Variants in PLCL2 observed in about 807,000 individuals in gnomAD.
PLCL2 encodes phospholipase C like 2.
PLCL2 carries 4 observed loss-of-function variants against 79.6 expected under a neutral mutation model. The ratio of observed to expected loss-of-function variants is 0.05; its 90% CI spans 0.02 to 0.11. PLCL2 has a LOEUF of 0.11. Ranked by LOEUF, PLCL2 falls within the 10% of genes least tolerant of loss-of-function variation. The pLI is 1.00. For synonymous variants in PLCL2, 484 were observed against 457.7 expected, an observed-to-expected ratio of 1.06 and a Z score of -0.73; for missense variants, 895 against 1,291.0, an observed-to-expected ratio of 0.69 and a Z score of 4.70.
chr3:16,967,999 G>C (rs1395762896), intron 1 of PLCL2, among the ~76,000 whole-genome samples: 1 of 152,100 alleles, frequency 6.6e-6, no homozygotes, highest in Non-Finnish European at 1.5e-5. Context: ...AGTTATCCCA[G>C]AACCACTTAT....
intron 1 of PLCL2, among the ~76,000 whole-genome samples, chr3:16,926,171 C>A (rs1474919751): frequency 6.6e-6 from 1 of 152,198 alleles, no homozygotes; most frequent in African/African-American, 2.4e-5. Flanking sequence ...AGAATTAAGT[C>A]TTTTGCTGAT....
At chr3:17,067,831 C>A in intron 4 of PLCL2, 125 bp from the exon 5 acceptor site, 1 of 557,092 alleles carries the variant, frequency 1.8e-6, no homozygotes, top group Non-Finnish European at 3.2e-6. Flanking sequence ...CTTAAATGGA[C>A]ACATTTATGA....
At chr3:16,923,244 C>T (rs1288904583) in intron 1 of PLCL2, among the ~76,000 whole-genome samples, 2 of 152,142 alleles carry the variant, frequency 1.3e-5, no homozygotes, top group Non-Finnish European at 2.9e-5. Context: ...CTGTTCACCA[C>T]CCTGGTGATT....
Position 17,011,721 on chromosome 3 carries a change from C to T in PLCL2, c.2375C>T (p.Ala792Val). 6.2e-7 allele frequency: 1 copy of T among 1,614,010 alleles called. No homozygotes were observed. The highest frequency in any genetic ancestry group is 8.5e-7 in the Non-Finnish European group (1 of 1,179,898). ...TATGTTGAAATCCATGGAATCCCTGCTGATTGTGCAGAACAAAGGACAAAA... is the reference window on the plus strand; with the variant it reads ...TATGTTGAAATCCATGGAATCCCTGTTGATTGTGCAGAACAAAGGACAAAA... ...YVYVEIHGIPADCAEQRTKTV... is the reference protein window; with the variant it reads ...YVYVEIHGIPVDCAEQRTKTV... The change falls in exon 2 of 6, where the codon GCT (alanine) becomes GTT (valine). Residue 792 changes from alanine to valine, a missense_variant. Physicochemically the swap from Ala to Val is moderately conservative, Grantham distance 64. This residue lies in a region of PLCL2 where 298 missense variants were observed against 459.6 expected (regional missense o/e 0.65). Coordinates refer to ENST00000615277, the MANE Select transcript of PLCL2 (RefSeq NM_001144382.2). The surrounding 1 kb of genome is among the most constrained non-coding windows in gnomAD (Gnocchi z 7.9).
At position 17,031,643 on chromosome 3, in the gene PLCL2, A is replaced by G. The variant is rs118020548; in HGVS notation, c.3019-11231A>G. Among the ~76,000 whole-genome samples, 338 of 152,330 alleles carry G rather than the reference A, an allele frequency of 2.2e-3. 9 individuals carry two copies. In the East Asian group the frequency reaches 0.056, roughly 25 times the overall value. ...AAAGTAGATTGTTTAATGTGAGACT[A>G]TTGTATAAGGTTTCCCACAGTAATC... On this transcript the variant is annotated intron_variant, in intron 3 of 5. Coordinates refer to ENST00000615277, the MANE Select transcript of PLCL2 (RefSeq NM_001144382.2).
Position 16,885,337 on chromosome 3 carries a change from G to T in PLCL2, c.298G>T (p.Gly100Cys). The T allele has an allele frequency of 1.5e-6, 1 of 655,254 alleles. No homozygotes were observed. Among genetic ancestry groups the T allele is most frequent in the Non-Finnish European group, 2.8e-6 (1 of 362,802 alleles). 40.6% of individuals were successfully genotyped at this position (655,254 alleles called of 1,614,324 possible). ...CCTCCCCCGGGAGAGCAAGCCGGGC[G>T]GCCTGCCCCGCCGGAGCAGCATCAT... is the stretch of plus-strand genomic sequence containing the variant. Reference protein sequence around the residue: ...CTLPRESKPGGLPRRSSIIKD... With the variant: ...CTLPRESKPGCLPRRSSIIKD... The change falls in exon 1 of 6, where the codon GGC becomes TGC. Residue 100 changes from glycine to cysteine, a missense_variant. This residue lies in a region of PLCL2 where 110 missense variants were observed against 42.9 expected (regional missense o/e 2.56). Transcript: ENST00000615277.
intron 4 of PLCL2, among the ~76,000 whole-genome samples, chr3:17,055,226 C>T (rs1041636371): frequency 6.6e-5 from 10 of 152,148 alleles, no homozygotes; most frequent in African/African-American, 2.4e-4. Context: ...CATCTTTTCT[C>T]TTAAAGACTG....
intron 1 of PLCL2, among the ~76,000 whole-genome samples, chr3:16,924,600 C>G (rs912794943): frequency 2.0e-5 from 3 of 152,208 alleles, no homozygotes; most frequent in Non-Finnish European, 4.4e-5. Flanking sequence ...CTTTCCTGAG[C>G]ATGCACTCGG....
intron 1 of PLCL2, among the ~76,000 whole-genome samples, chr3:16,952,108 T>G (rs1041325140): frequency 6.6e-6 from 1 of 151,674 alleles, no homozygotes; most frequent in African/African-American, 2.4e-5. Flanking sequence ...ATGTTCTCAC[T>G]CATAAGTGGG....
At chr3:16,898,279 T>C (rs1327354408) in intron 1 of PLCL2, among the ~76,000 whole-genome samples, 1 of 152,162 alleles carries the variant, frequency 6.6e-6, no homozygotes, top group Non-Finnish European at 1.5e-5. Flanking sequence ...ACTTTAATAT[T>C]CTTTGGGGAG....
In PLCL2 at chr3:17,026,606, A is replaced by T. The variant is rs188683664; in HGVS notation, c.3018+11695A>T. On this transcript the variant is annotated intron_variant, in intron 3 of 5. Coordinates refer to ENST00000615277, the MANE Select transcript of PLCL2 (RefSeq NM_001144382.2). ...CTTTTAAATCACTTATCTGGGACAGATTACTCATGCTGTAATCCCAGCACT... is the reference window on the plus strand; with the variant it reads ...CTTTTAAATCACTTATCTGGGACAGTTTACTCATGCTGTAATCCCAGCACT... Among the ~76,000 whole-genome samples the T allele has an allele frequency of 3.3e-5, 5 of 152,226 alleles. No individual in the cohort carries two copies. In the East Asian group the frequency reaches 9.7e-4, roughly 29 times the overall value.
intron 1 of PLCL2, among the ~76,000 whole-genome samples, chr3:16,991,768 C>G (rs115788687): frequency 0.01 from 1,529 of 152,154 alleles, 29 homozygotes; most frequent in African/African-American, 0.035. Context: ...AAAAGTACAA[C>G]TAAATTACTT....
intron 1 of PLCL2, among the ~76,000 whole-genome samples, chr3:16,923,393 G>A (rs1697169297): frequency 6.6e-6 from 1 of 152,200 alleles, no homozygotes; most frequent in Non-Finnish European, 1.5e-5. Flanking sequence ...GACAGCAGAA[G>A]GCTGAAGACC....
At chr3:17,025,171 G>A (rs1234741723) in intron 3 of PLCL2, among the ~76,000 whole-genome samples, 1 of 152,206 alleles carries the variant, frequency 6.6e-6, no homozygotes, top group African/African-American at 2.4e-5. Context: ...TTTAGAAAGT[G>A]TGTAAAGTTG....
intron 5 of PLCL2, among the ~76,000 whole-genome samples, chr3:17,082,834 G>A (rs531943928): frequency 6.6e-6 from 1 of 152,056 alleles, no homozygotes; most frequent in Non-Finnish European, 1.5e-5. Context: ...TAGATTGCTT[G>A]ATTGTATTTA....
chr3:17,003,300 A>G (rs1325500563), intron 1 of PLCL2, among the ~76,000 whole-genome samples: 1 of 152,142 alleles, frequency 6.6e-6, no homozygotes, highest in Non-Finnish European at 1.5e-5. Flanking sequence ...TGAGTCAGTA[A>G]TTGAGCCAGG....
In PLCL2 at chr3:16,886,787, TAATC is replaced by T. The variant is rs367957709; in HGVS notation, c.327+1426_327+1429del. Among the ~76,000 whole-genome samples the T allele has an allele frequency of 9.8e-5, 15 of 152,378 alleles. No homozygotes were observed. The highest frequency in any genetic ancestry group is 6.8e-3 in the Middle Eastern group (2 of 294). ...GGAAGTTGCTTTCAACTGTGCATGATAATCAATCCTATTGACAGAGTTAGGTGAC... is the reference window on the plus strand; with the variant it reads ...GGAAGTTGCTTTCAACTGTGCATGATAATCCTATTGACAGAGTTAGGTGAC... On this transcript the variant is annotated intron_variant, in intron 1 of 5. Coordinates refer to ENST00000615277, the MANE Select transcript of PLCL2 (RefSeq NM_001144382.2). This position sits in a 1 kb window ranked among gnomAD's most constrained non-coding sequence, Gnocchi z 4.2.
At chr3:17,036,685 G>A (rs1254260393) in intron 3 of PLCL2, among the ~76,000 whole-genome samples, 1 of 152,194 alleles carries the variant, frequency 6.6e-6, no homozygotes, top group African/African-American at 2.4e-5. Context: ...ACAGCACAAG[G>A]CTGACCACCC....
At chr3:16,919,320 G>A (rs1191682283) in intron 1 of PLCL2, among the ~76,000 whole-genome samples, 2 of 151,968 alleles carry the variant, frequency 1.3e-5, no homozygotes, top group Non-Finnish European at 2.9e-5. Context: ...AAATTTATTA[G>A]CATAATGTTC....
Sources: gnomAD v4.1 joint callset for allele counts (sites outside exome capture counted in the v4.1 genomes callset) on GRCh38, gnomAD v4.1.1 for gene constraint, gnomAD v4.1.1 regional missense constraint, Gnocchi (gnomAD v3.1) non-coding constraint, MANE v1.5 for transcripts, NCBI Gene and HGNC (gene_info 2026-07-23, HGNC 2026-07-21) for gene names.